Variants in APP observed in about 807,000 individuals in gnomAD.
APP encodes the protein amyloid-beta precursor protein.
Under a neutral mutation model 101.4 loss-of-function variants are expected in APP, and 31 were observed. The ratio of observed to expected loss-of-function variants is 0.31; its 90% confidence interval spans 0.23 to 0.41. The LOEUF is 0.41. APP is among the 10% of genes least tolerant of loss of function. The probability of loss-of-function intolerance (pLI) is 1.00; values close to 1 mark genes in which losing one functional copy is unlikely to be tolerated. For synonymous variants in APP, 366 were observed against 364.4 expected, an observed-to-expected ratio of 1.00 and a Z score of -0.05; for missense variants, 839 against 1,003.7, an observed-to-expected ratio of 0.84 and a Z score of 2.22.
At chr21:26,063,953 C>T (rs4817085) in intron 3 of APP, among the ~76,000 whole-genome samples, 66,349 of 152,018 alleles carry the variant, frequency 0.44, 14,675 homozygotes, top group East Asian at 0.6. Context: ...AAACACGTAC[C>T]CTTGATATGA....
At chr21:26,131,049 G>C (rs1461897749) in intron 1 of APP, among the ~76,000 whole-genome samples, 2 of 152,054 alleles carry the variant, frequency 1.3e-5, no homozygotes, top group Non-Finnish European at 2.9e-5. Context: ...GACCAACATG[G>C]AGAAACCCCT....
chr21:26,152,007 T>C (rs758552387), intron 1 of APP, among the ~76,000 whole-genome samples: 22 of 152,200 alleles, frequency 1.4e-4, no homozygotes, highest in Non-Finnish European at 3.2e-4. Context: ...CTGGGCACGG[T>C]GGCTCACGCC....
chr21:26,052,088 A>C (rs1337944196), intron 4 of APP, among the ~76,000 whole-genome samples: 2 of 152,230 alleles, frequency 1.3e-5, no homozygotes, highest in Non-Finnish European at 2.9e-5. Context: ...GTGGATCCAA[A>C]TATACTATTT....
At chr21:26,100,604 G>C (rs896190730) in intron 2 of APP, among the ~76,000 whole-genome samples, 1 of 152,138 alleles carries the variant, frequency 6.6e-6, no homozygotes. Context: ...GAAACAATTC[G>C]TGTCTGGGAA....
intron 17 of APP, among the ~76,000 whole-genome samples, chr21:25,885,139 C>T (rs2037239916): frequency 1.3e-5 from 2 of 152,340 alleles, no homozygotes; most frequent in South Asian, 4.1e-4. Flanking sequence ...ATTATCTTGA[C>T]AAAAGGGCAT....
intron 1 of APP, among the ~76,000 whole-genome samples, chr21:26,166,906 A>AGAGAGAGAGAG (rs1569055925): frequency 6.6e-4 from 25 of 38,164 alleles, no homozygotes; most frequent in African/African-American, 2.2e-3. Flanking sequence ...GAGAGAGAGA[A>AGAGAGAGAGAG]AGAGAGAGAA....
intron 13 of APP, among the ~76,000 whole-genome samples, chr21:25,936,624 C>T (rs142173161): frequency 1.7e-4 from 26 of 152,294 alleles, no homozygotes; most frequent in African/African-American, 6.3e-4. Flanking sequence ...GCGTAGGTGG[C>T]CATTTGTAAA....
chr21:26,159,913 C>T (rs2063455526), intron 1 of APP, among the ~76,000 whole-genome samples: 2 of 152,136 alleles, frequency 1.3e-5, no homozygotes, highest in Non-Finnish European at 1.5e-5. Context: ...ATCCAAATAG[C>T]AAATACGAAG....
intron 8 of APP, among the ~76,000 whole-genome samples, chr21:25,983,825 G>A (rs2042533884): frequency 6.6e-6 from 1 of 152,158 alleles, no homozygotes; most frequent in Non-Finnish European, 1.5e-5. Context: ...ATGAGGGAGT[G>A]GTGTTCCTTC....
rs539991145 is a variant in APP at position 26,141,359 on chromosome 21, A to C, written c.57+29205T>G. ...TGATTTTTCCCTACAGTTTGGGCACAGTCTTATTATGACAGAAAAGAAAGC... is the reference window on the plus strand; with the variant it reads ...TGATTTTTCCCTACAGTTTGGGCACCGTCTTATTATGACAGAAAAGAAAGC... On this transcript the variant is annotated intron_variant, in intron 1 of 17. Transcript: ENST00000346798. 1.4e-4 allele frequency among the ~76,000 whole-genome samples: 22 copies of C among 152,350 alleles called. No individual in the cohort carries two copies. The East Asian group carries it at 3.7e-3, about 25-fold the overall frequency.
At chr21:26,154,525 C>T (rs949890480) in intron 1 of APP, among the ~76,000 whole-genome samples, 9 of 152,160 alleles carry the variant, frequency 5.9e-5, no homozygotes, top group Admixed American at 3.9e-4. Flanking sequence ...TCATCCTACC[C>T]CACAAGTTTT....
Position 26,004,783 on chromosome 21 carries a change from T to C in APP, c.866-4601A>G, listed in dbSNP as rs549520897. Among the ~76,000 whole-genome samples the C allele has an allele frequency of 5.3e-5, 8 of 152,250 alleles. No homozygotes were observed. In the South Asian group the frequency reaches 1.7e-3, roughly 32 times the overall value. ...CGTCATTTACATTAGGTATTTCTCC[T>C]GATGCTTTCCCTCCCCCAACCCCCC... On this transcript the variant is annotated intron_variant, in intron 6 of 17. Transcript: ENST00000346798.
At chr21:25,995,086 AC>A in intron 8 of APP, among the ~76,000 whole-genome samples, 1 of 151,532 alleles carries the variant, frequency 6.6e-6, no homozygotes, top group Admixed American at 6.7e-5. Context: ...TACAAAAGAG[AC>A]TTTCAGTATC....
intron 5 of APP, among the ~76,000 whole-genome samples, chr21:26,048,151 C>A (rs1052339878): frequency 2.7e-5 from 4 of 150,686 alleles, no homozygotes; most frequent in African/African-American, 9.8e-5. Context: ...CCCACCTCTA[C>A]TAAAAGTACA....
intron 17 of APP, among the ~76,000 whole-genome samples, chr21:25,882,217 A>G (rs923725200): frequency 6.6e-6 from 1 of 151,704 alleles, no homozygotes; most frequent in African/African-American, 2.4e-5. Context: ...CTTGGGTGAC[A>G]CTCAAATCTG....
At chr21:26,006,578 A>G (rs2043540065) in intron 6 of APP, among the ~76,000 whole-genome samples, 1 of 152,228 alleles carries the variant, frequency 6.6e-6, no homozygotes, top group Non-Finnish European at 1.5e-5. Context: ...ATTATACAAA[A>G]TGATTATGCA....
At chr21:26,010,982 T>G (rs1601199343) in intron 6 of APP, among the ~76,000 whole-genome samples, 1 of 151,854 alleles carries the variant, frequency 6.6e-6, no homozygotes, top group African/African-American at 2.4e-5. Flanking sequence ...ACTGAGATCG[T>G]GTCACTGCAC....
At chr21:26,082,620 ACTTTGTTGACC>A (rs976564551) in intron 3 of APP, among the ~76,000 whole-genome samples, 33 of 152,272 alleles carry the variant, frequency 2.2e-4, no homozygotes, top group South Asian at 1.5e-3. Context: ...TACCTTAAAG[ACTTTGTTGACC>A]CTCTGTCTGA....
chr21:26,073,480 T>TAAC (rs1555867733), intron 3 of APP, among the ~76,000 whole-genome samples: 1 of 151,958 alleles, frequency 6.6e-6, no homozygotes, highest in African/African-American at 2.4e-5. Context: ...AGATGCCTGA[T>TAAC]AACAGGTGAC....
Sources: allele counts gnomAD v4.1 joint callset (sites outside exome capture counted in the v4.1 genomes callset), GRCh38; gene constraint gnomAD v4.1.1; transcripts MANE v1.5; gene names NCBI Gene and HGNC (gene_info 2026-07-23, HGNC 2026-07-21).